The following LRP6 variants were observed in gnomAD, a reference collection of about 807,000 sequenced individuals.
The protein encoded by LRP6 is LDL receptor related protein 6, also known as low-density lipoprotein receptor-related protein 6.
A neutral mutation model predicts 184.1 loss-of-function variants in LRP6; 43 were observed. The observed-to-expected ratio is 0.23, with a 90% CI of 0.18 to 0.30. LRP6 has a LOEUF of 0.30. Ranked by LOEUF, LRP6 falls within the 10% of genes least tolerant of loss-of-function variation. The pLI, the probability that LRP6 is intolerant of heterozygous loss-of-function variation, is 1.00. For synonymous variants in LRP6, 719 were observed against 684.9 expected (o/e 1.05, Z -0.78); for missense variants, 1,571 against 2,005.3 (o/e 0.78, Z 4.14).
chr12:12,214,899 C>G (rs550494815), intron 2 of LRP6, among the ~76,000 whole-genome samples: 1 of 152,216 alleles, frequency 6.6e-6, no homozygotes, highest in Non-Finnish European at 1.5e-5. Flanking sequence ...CTCACCAGAT[C>G]ACCACATTCA....
At chr12:12,219,324 G>A (rs1312696352) in intron 2 of LRP6, among the ~76,000 whole-genome samples, 1 of 152,118 alleles carries the variant, frequency 6.6e-6, no homozygotes, top group Non-Finnish European at 1.5e-5. Context: ...TCCTGCCTCA[G>A]CCTCCCAAGT....
chr12:12,207,120 C>G (rs1324368648), intron 2 of LRP6, among the ~76,000 whole-genome samples: 1 of 152,166 alleles, frequency 6.6e-6, no homozygotes, highest in Admixed American at 6.5e-5. Context: ...CTACTGTGGG[C>G]AAACATGGCA....
At position 12,179,927 on chromosome 12, in the gene LRP6, C is replaced by A; in HGVS notation, c.1428G>T (p.Leu476=). The change falls in exon 7 of 23, where the codon CTG becomes CTT. Residue 476 remains leucine (L), a synonymous_variant. Transcript: ENST00000261349. ...GEIPKIERAA[L]DGSDRVVLVN... is the part of the protein sequence containing the mutation. ...CCAATACTACACGGTCAGAACCATC[C>A]AGAGCTGCTCGCTCAATTTTCGGAA... The A allele has an allele frequency of 6.2e-7, 1 of 1,613,930 alleles. No homozygotes were observed. Among genetic ancestry groups the A allele is most frequent in the Non-Finnish European group, 8.5e-7 (1 of 1,179,886 alleles).
At chr12:12,181,896 CTG>C (rs1350386899) in intron 5 of LRP6, among the ~76,000 whole-genome samples, 9 of 152,312 alleles carry the variant, frequency 5.9e-5, no homozygotes, top group Admixed American at 5.9e-4. Context: ...CTGCGTAACT[CTG>C]TAAATTTACT....
intron 22 of LRP6, among the ~76,000 whole-genome samples, chr12:12,123,829 G>A (rs1222382158): frequency 6.6e-6 from 1 of 152,106 alleles, no homozygotes; most frequent in East Asian, 1.9e-4. Context: ...ACTCCAAATT[G>A]TAATAGCATA....
chr12:12,221,026 T>C (rs1864473129), intron 2 of LRP6, among the ~76,000 whole-genome samples: 1 of 152,206 alleles, frequency 6.6e-6, no homozygotes, highest in South Asian at 2.1e-4. Flanking sequence ...AAGTGGCATG[T>C]TTGCAGTCTC....
intron 15 of LRP6, 122 bp from the exon 16 acceptor site, chr12:12,138,656 C>T: frequency 1.5e-6 from 2 of 1,296,960 alleles, no homozygotes; most frequent in East Asian, 2.4e-5. Flanking sequence ...AACAAGATCT[C>T]TACCACAAAA....
rs751758026 is a variant in LRP6, at chr12:12,186,963, G to T, written c.804C>A (p.Pro268=). The part of the protein sequence containing the change: ...LREIHSDIFS[P]MDIHAFSQQR... ...GTTGGCTGAAGGCATGTATATCCAT[G>T]GGAGAGAAGATGTCAGAATGGATTT... Residue 268 remains proline, a synonymous_variant, in exon 4 of 23, where the codon CCC becomes CCA. Transcript: ENST00000261349. The T allele has an allele frequency of 3.1e-6, 5 of 1,614,150 alleles. No homozygotes were observed. The Admixed American group carries it at 8.3e-5, about 27-fold the overall frequency.
At chr12:12,148,880 A>G (rs972617186) in intron 14 of LRP6, 62 bp downstream of exon 14, 1 of 1,193,010 alleles carries the variant, frequency 8.4e-7, no homozygotes, top group Admixed American at 1.7e-5. Flanking sequence ...TAACAGGCTG[A>G]AAAAGAAGGG....
At chr12:12,237,214 A>G (rs902908206) in intron 2 of LRP6, among the ~76,000 whole-genome samples, 1 of 152,222 alleles carries the variant, frequency 6.6e-6, no homozygotes, top group Non-Finnish European at 1.5e-5. Flanking sequence ...AGGAAATTAC[A>G]AGGGTTTTAG....
At chr12:12,219,472 G>C (rs1864431787) in intron 2 of LRP6, among the ~76,000 whole-genome samples, 2 of 152,104 alleles carry the variant, frequency 1.3e-5, no homozygotes, top group African/African-American at 4.8e-5. Context: ...CAAAGTGCTG[G>C]GATTACAGGC....
At chr12:12,169,956 C>A (rs1862987294) in intron 7 of LRP6, among the ~76,000 whole-genome samples, 1 of 152,138 alleles carries the variant, frequency 6.6e-6, no homozygotes, top group African/African-American at 2.4e-5. Context: ...TCTAAAACAG[C>A]ACTGTCCAGG....
At chr12:12,257,952 C>G (rs1051546408) in intron 1 of LRP6, among the ~76,000 whole-genome samples, 2 of 145,690 alleles carry the variant, frequency 1.4e-5, no homozygotes, top group African/African-American at 5.1e-5. Context: ...CTAGGAAACA[C>G]AGTGAGACCC....
chr12:12,207,449 G>C (rs1256248444), intron 2 of LRP6, among the ~76,000 whole-genome samples: 1 of 152,154 alleles, frequency 6.6e-6, no homozygotes, highest in African/African-American at 2.4e-5. Context: ...CAGGGGAATC[G>C]CCTGAACCTG....
At chr12:12,244,195 G>T in intron 2 of LRP6, 67 bp downstream of exon 2, 1 of 1,465,528 alleles carries the variant, frequency 6.8e-7, no homozygotes, top group African/African-American at 1.4e-5. Context: ...GGGTCAGGGT[G>T]GTGTATGTCA....
chr12:12,266,037 G>C lies in LRP6; in HGVS notation c.55+644C>G, dbSNP rs138013670. Among the ~76,000 whole-genome samples the C allele has an allele frequency of 5.9e-5, 9 of 152,232 alleles. 1 individual carries two copies. Among genetic ancestry groups the C allele is most frequent in the Middle Eastern group, 3.4e-3 (1 of 294 alleles). ...AAATAGGGGCAAGCCGTGAATACCA[G>C]AGGTTACAAGGGCAATGTTTTATTT... On this transcript the variant is annotated intron_variant, in intron 1 of 22. Transcript: ENST00000261349.
At chr12:12,200,465 C>CTGGTACTGCCACCATCTCCA (rs1252404434) in intron 3 of LRP6, among the ~76,000 whole-genome samples, 18 of 152,288 alleles carry the variant, frequency 1.2e-4, no homozygotes, top group Admixed American at 6.5e-5. Context: ...AGGCATCTCA[C>CTGGTACTGCCACCATCTCCA]TGGTACTGCC....
At position 12,120,984 on chromosome 12, in the gene LRP6, T is replaced by C; in HGVS notation, c.*142A>G. 1 of 627,680 alleles carries C rather than the reference T, an allele frequency of 1.6e-6. No individual in the cohort carries two copies. The highest frequency in any genetic ancestry group is 2.7e-6 in the Non-Finnish European group (1 of 375,582). The allele number at this position is 627,680 out of a possible 1,614,324, so 38.9% of individuals were successfully genotyped here. A position where few individuals can be genotyped will look rare whatever the true frequency, so the allele number is the denominator to read the frequency against. On this transcript the variant is annotated 3_prime_UTR_variant, in exon 23 of 23. Coordinates refer to ENST00000261349, the MANE Select transcript of LRP6 (RefSeq NM_002336.3). ...TTTTCTTCTGTACAAATATCTCCAG[T>C]ATTCCCTACCCCATTTTATAATTTT... is the stretch of plus-strand genomic sequence containing the variant.
chr12:12,265,207 TAATAA>T (rs147215444), intron 1 of LRP6, among the ~76,000 whole-genome samples: 8,163 of 152,230 alleles, frequency 0.054, 317 homozygotes, highest in Non-Finnish European at 0.087. Flanking sequence ...AGTATGCCAA[TAATAA>T]AATAAGTATA....
Sources: allele counts gnomAD v4.1 joint callset (sites outside exome capture counted in the v4.1 genomes callset), GRCh38; gene constraint gnomAD v4.1.1; transcripts MANE v1.5; gene names NCBI Gene and HGNC (gene_info 2026-07-23, HGNC 2026-07-21).